GPR39: variants seen among roughly 807,000 people sequenced by gnomAD.
The protein encoded by GPR39 is zinc sensing receptor.
In GPR39, 23 loss-of-function variants were observed where a neutral mutation model predicts 18.4. The ratio of observed to expected loss-of-function variants is 1.25; its 90% confidence interval spans 0.90 to 1.77. GPR39 has a LOEUF of 1.77. GPR39 is among the 40% of genes most tolerant of loss of function. The probability of loss-of-function intolerance (pLI) is 0.00; values close to 1 mark genes in which losing one functional copy is unlikely to be tolerated. For missense variants in GPR39, 647 were observed against 602.4 expected (o/e 1.07, Z -0.78); for synonymous variants, 280 against 257.9 (o/e 1.09, Z -0.82).
At chr2:132,430,041 C>T (rs1680196259) in intron 1 of GPR39, among the ~76,000 whole-genome samples, 1 of 152,138 alleles carries the variant, frequency 6.6e-6, no homozygotes, top group African/African-American at 2.4e-5. Context: ...AGAGGAGTGG[C>T]AGGAAGGAGT....
intron 1 of GPR39, among the ~76,000 whole-genome samples, chr2:132,642,544 G>A (rs1307562364): frequency 1.3e-5 from 2 of 152,212 alleles, no homozygotes; most frequent in African/African-American, 2.4e-5. Context: ...GAAGCTGTCA[G>A]AAGAGTAAGG....
intron 1 of GPR39, among the ~76,000 whole-genome samples, chr2:132,596,955 G>T (rs1558852842): frequency 6.6e-6 from 1 of 152,176 alleles, no homozygotes; most frequent in Non-Finnish European, 1.5e-5. Context: ...TCTCTAGGTG[G>T]CTTAACTGAT....
At chr2:132,579,004 C>A (rs1272751982) in intron 1 of GPR39, among the ~76,000 whole-genome samples, 2 of 151,522 alleles carry the variant, frequency 1.3e-5, no homozygotes, top group East Asian at 3.9e-4. Flanking sequence ...TTTGCCCTTT[C>A]ATGGTTTTTT....
At chr2:132,443,641 G>A (rs2104766540) in intron 1 of GPR39, among the ~76,000 whole-genome samples, 1 of 152,308 alleles carries the variant, frequency 6.6e-6, no homozygotes, top group Non-Finnish European at 1.5e-5. Context: ...AATTTATCGG[G>A]ATGTAGGCCC....
intron 1 of GPR39, among the ~76,000 whole-genome samples, chr2:132,592,014 T>G (rs1986708): frequency 0.4 from 60,697 of 151,798 alleles, 14,126 homozygotes; most frequent in East Asian, 0.81. Flanking sequence ...TATAATTATA[T>G]TTCCTTGGTA....
At chr2:132,565,416 ATAC>A (rs1680331764) in intron 1 of GPR39, among the ~76,000 whole-genome samples, 1 of 127,278 alleles carries the variant, frequency 7.9e-6, no homozygotes, top group African/African-American at 3.4e-5. Context: ...TTTTTTTATT[ATAC>A]TTTAAGTTTT....
chr2:132,463,697 T>A (rs904122931), intron 1 of GPR39, among the ~76,000 whole-genome samples: 1 of 152,196 alleles, frequency 6.6e-6, no homozygotes, highest in Non-Finnish European at 1.5e-5. Context: ...TGTTATTTAT[T>A]AGTTATGTAT....
At chr2:132,441,512 A>G (rs929752298) in intron 1 of GPR39, among the ~76,000 whole-genome samples, 3 of 152,208 alleles carry the variant, frequency 2.0e-5, no homozygotes, top group African/African-American at 7.2e-5. Flanking sequence ...ATCTATACTT[A>G]ACAAACCAGC....
At chr2:132,493,992 A>G (rs1320162437) in intron 1 of GPR39, among the ~76,000 whole-genome samples, 1 of 152,162 alleles carries the variant, frequency 6.6e-6, no homozygotes, top group African/African-American at 2.4e-5. Flanking sequence ...CAGTGGTGAT[A>G]TGGCTTCATT....
At chr2:132,423,925 G>A (rs1172182343) in intron 1 of GPR39, among the ~76,000 whole-genome samples, 1 of 152,168 alleles carries the variant, frequency 6.6e-6, no homozygotes, top group African/African-American at 2.4e-5. Flanking sequence ...GAATTGAGAA[G>A]CAATGTTCTG....
intron 1 of GPR39, among the ~76,000 whole-genome samples, chr2:132,519,128 A>T (rs1300446018): frequency 6.6e-6 from 1 of 152,188 alleles, no homozygotes; most frequent in Non-Finnish European, 1.5e-5. Context: ...TGAGTCTTGC[A>T]AGTCATTGGC....
chr2:132,430,238 C>T (rs543069878), intron 1 of GPR39, among the ~76,000 whole-genome samples: 120 of 152,296 alleles, frequency 7.9e-4, no homozygotes, highest in African/African-American at 2.8e-3. Context: ...ATTAAAAATG[C>T]CCTACTCCAG....
chr2:132,634,418 G>A (rs188091242), intron 1 of GPR39, among the ~76,000 whole-genome samples: 10 of 152,284 alleles, frequency 6.6e-5, no homozygotes, highest in African/African-American at 1.9e-4. Flanking sequence ...GGCAAAGCCG[G>A]AGGTGTCCAA....
At chr2:132,430,818 C>T (rs1254784671) in intron 1 of GPR39, among the ~76,000 whole-genome samples, 2 of 152,206 alleles carry the variant, frequency 1.3e-5, no homozygotes, top group East Asian at 1.9e-4. Context: ...AAACAACAGA[C>T]ACCCCCTGTG....
chr2:132,457,940 A>G (rs545472529), intron 1 of GPR39, among the ~76,000 whole-genome samples: 1 of 152,372 alleles, frequency 6.6e-6, no homozygotes, highest in African/African-American at 2.4e-5. Flanking sequence ...CTGCTGAGCC[A>G]GGCATGGGAA....
chr2:132,438,452 G>A (rs1680371739), intron 1 of GPR39, among the ~76,000 whole-genome samples: 1 of 152,044 alleles, frequency 6.6e-6, no homozygotes, highest in South Asian at 2.1e-4. Flanking sequence ...AGTTTGACAT[G>A]CCCTGCTGGC....
At chr2:132,448,569 C>A (rs529741054) in intron 1 of GPR39, among the ~76,000 whole-genome samples, 1 of 152,138 alleles carries the variant, frequency 6.6e-6, no homozygotes, top group East Asian at 1.9e-4. Context: ...CAGCTGATGC[C>A]GAGTGCTGCC....
chr2:132,455,468 T>G (rs536546545), intron 1 of GPR39, among the ~76,000 whole-genome samples: 2 of 152,216 alleles, frequency 1.3e-5, no homozygotes, highest in South Asian at 4.2e-4. Flanking sequence ...GGTTTTTTGT[T>G]TCTCTATCTC....
In GPR39 at chr2:132,532,759, A is replaced by C. The variant is rs913337292; in HGVS notation, c.857-112342A>C. Among the ~76,000 whole-genome samples, 6 of 152,314 alleles carry C rather than the reference A, an allele frequency of 3.9e-5. No homozygotes were observed. The East Asian group carries it at 9.6e-4, about 24-fold the overall frequency. On this transcript the variant is annotated intron_variant, in intron 1 of 1. Coordinates refer to ENST00000329321, the MANE Select transcript of GPR39 (RefSeq NM_001508.3). Reference sequence around the variant, plus strand: ...AAGACAAAAAACACTTGATTATCTCAATAGATGCAGAAAAGGCCTTTGACA... The same window carrying C: ...AAGACAAAAAACACTTGATTATCTCCATAGATGCAGAAAAGGCCTTTGACA...
Sources: allele counts gnomAD v4.1 joint callset (sites outside exome capture counted in the v4.1 genomes callset), GRCh38; gene constraint gnomAD v4.1.1; transcripts MANE v1.5; gene names NCBI Gene and HGNC (gene_info 2026-07-23, HGNC 2026-07-21).